DST: variants seen among roughly 807,000 people sequenced by gnomAD.
The protein encoded by DST is bullous pemphigoid antigen.
A neutral mutation model predicts 875.2 loss-of-function variants in DST; 253 were observed. The ratio of observed to expected loss-of-function variants is 0.29; its 90% CI spans 0.26 to 0.32. The LOEUF is 0.32. DST is among the 10% of genes least tolerant of loss of function. The pLI, the probability that DST is intolerant of heterozygous loss-of-function variation, is 1.00. For missense variants in DST, 8,287 were observed against 9,111.6 expected, an observed-to-expected ratio of 0.91 and a Z score of 3.68; for synonymous variants, 3,124 against 3,197.1, an observed-to-expected ratio of 0.98 and a Z score of 0.77.
At chr6:56,527,296 T>C (rs960179946) in intron 68 of DST, among the ~76,000 whole-genome samples, 197 bp downstream of exon 68, 2 of 152,190 alleles carry the variant, frequency 1.3e-5, no homozygotes, top group African/African-American at 4.8e-5. Context: ...CTTGCAACAA[T>C]TATAACATAC....
chr6:56,657,735 T>C (rs1373365399), intron 10 of DST, among the ~76,000 whole-genome samples: 1 of 152,132 alleles, frequency 6.6e-6, no homozygotes, highest in African/African-American at 2.4e-5. Context: ...AGATGGTAAA[T>C]TTTATGCACC....
At chr6:56,773,272 C>CTTTTTT (rs2099671091) in intron 4 of DST, among the ~76,000 whole-genome samples, 1 of 151,966 alleles carries the variant, frequency 6.6e-6, no homozygotes, top group Admixed American at 6.6e-5. Context: ...CAGATACAGT[C>CTTTTTT]ATCTTTTATT....
chr6:56,909,100 G>C (rs1797760452), intron 2 of DST, among the ~76,000 whole-genome samples: 1 of 152,130 alleles, frequency 6.6e-6, no homozygotes, highest in African/African-American at 2.4e-5. Context: ...CTCTCTGGGG[G>C]TCTCAATCAG....
At chr6:56,501,363 C>T in intron 79 of DST, 128 bp from the exon 80 acceptor site, 1 of 1,157,874 alleles carries the variant, frequency 8.6e-7, no homozygotes, top group Non-Finnish European at 1.2e-6. Flanking sequence ...GAAGCCTAAT[C>T]ATCATATCCT....
rs557684612 is a variant in DST, at chr6:56,506,716, G to A, written c.19313C>T (p.Ala6438Val). ...IVINLGSELI[A>V]ACGEPDKPIV... ...GGGTTTATCAGGCTCCCCACATGCCGCAATGAGTTCAGAACCTAGGTTAAT... is the reference window on the plus strand; with the variant it reads ...GGGTTTATCAGGCTCCCCACATGCCACAATGAGTTCAGAACCTAGGTTAAT... The change falls in exon 76 of 104, where the codon GCG becomes GTG. Residue 6438 changes from alanine to valine, a missense_variant. This residue lies in a region of DST where 1,292 missense variants were observed against 1,552.7 expected (regional missense o/e 0.83). Coordinates refer to ENST00000680361, the MANE Select transcript of DST (RefSeq NM_001374736.1). The A allele has an allele frequency of 2.2e-5, 36 of 1,613,372 alleles. No individual in the cohort carries two copies. The highest frequency in any genetic ancestry group is 2.8e-5 in the Non-Finnish European group (33 of 1,179,656).
intron 58 of DST, among the ~76,000 whole-genome samples, chr6:56,559,208 A>G (rs1229795297): frequency 6.6e-6 from 1 of 152,118 alleles, no homozygotes; most frequent in Non-Finnish European, 1.5e-5. Flanking sequence ...ATCAGGAAGG[A>G]AAAATAGAAA....
chr6:56,748,023 A>G (rs2099577532), intron 4 of DST, among the ~76,000 whole-genome samples: 1 of 152,184 alleles, frequency 6.6e-6, no homozygotes, highest in Admixed American at 6.5e-5. Context: ...CAGTTTTTCA[A>G]GTTTCTTTGA....
chr6:56,575,553 C>G lies in DST; in HGVS notation c.13028-1666G>C, dbSNP rs117053797. On this transcript the variant is annotated intron_variant, in intron 50 of 103. Coordinates refer to ENST00000680361, the MANE Select transcript of DST (RefSeq NM_001374736.1). Reference sequence around the variant, plus strand: ...AAGCCAGCTATTTTCATATAATTAACAGATTTGAGTGTTAGTTTGCTATAG... The same window carrying G: ...AAGCCAGCTATTTTCATATAATTAAGAGATTTGAGTGTTAGTTTGCTATAG... 9.2e-5 allele frequency among the ~76,000 whole-genome samples: 14 copies of G among 152,200 alleles called. No individual in the cohort carries two copies. In the East Asian group the frequency reaches 2.7e-3, roughly 29 times the overall value.
intron 43 of DST, chr6:56,601,981 A>G (rs913612034): frequency 6.7e-6 from 3 of 446,518 alleles, no homozygotes; most frequent in African/African-American, 4.0e-5. Flanking sequence ...TAACTTAGGT[A>G]TATTTAGCAC....
chr6:56,624,518 G>C lies in DST; in HGVS notation c.4929+12C>G. On this transcript the variant is annotated intron_variant, in intron 36 of 103. Transcript: ENST00000680361. ...CCTTTATATTTACAGGGTGCTCACT[G>C]TTAATGATTACCTCCTCCTCTTCCA... is the stretch of plus-strand genomic sequence containing the variant. The C allele has an allele frequency of 6.3e-7, 1 of 1,580,540 alleles. No individual in the cohort carries two copies.
Position 56,555,856 on chromosome 6 carries a change from T to C in DST, c.14641-16A>G, listed in dbSNP as rs2097405051. 2 of 1,471,230 alleles carry C rather than the reference T, an allele frequency of 1.4e-6. No homozygotes were observed. Among genetic ancestry groups the C allele is most frequent in the Non-Finnish European group, 1.8e-6 (2 of 1,108,894 alleles). The allele number at this position is 1,471,230 out of a possible 1,614,324, so 91.1% of individuals were successfully genotyped here. A position where few individuals can be genotyped will look rare whatever the true frequency, so the allele number is the denominator to read the frequency against. Reference sequence around the variant, plus strand: ...GCAGCAAAATCTAAGGTAACAAGGGTAAACAAACGCAAATTATTATATAAT... The same window carrying C: ...GCAGCAAAATCTAAGGTAACAAGGGCAAACAAACGCAAATTATTATATAAT... On this transcript the variant is annotated splice_polypyrimidine_tract_variant and intron_variant, in intron 59 of 103. Coordinates refer to ENST00000680361, the MANE Select transcript of DST (RefSeq NM_001374736.1).
intron 4 of DST, among the ~76,000 whole-genome samples, chr6:56,768,099 C>T (rs373329979): frequency 7.2e-5 from 11 of 152,240 alleles, no homozygotes; most frequent in African/African-American, 2.6e-4. Context: ...CTGGAGGGAG[C>T]TGAGGCAAAA....
chr6:56,851,567 G>A lies in DST; in HGVS notation c.455C>T (p.Ser152Phe). Reference protein sequence around the residue: ...GNASYRCSMSSSADFSDEDDF... With the variant: ...GNASYRCSMSFSADFSDEDDF... ...ATCCTCATCGGAAAAATCCGCAGAG[G>A]AAGACATAGAGCAGCGATAGGACGC... The change falls in exon 4 of 104, where the codon TCC becomes TTC. Residue 152 changes from serine (S) to phenylalanine (F), a missense_variant. Transcript: ENST00000680361. 1 of 1,613,994 alleles carries A rather than the reference G, an allele frequency of 6.2e-7. No homozygotes were observed. The highest frequency in any genetic ancestry group is 8.5e-7 in the Non-Finnish European group (1 of 1,179,886).
At chr6:56,676,036 T>G (rs896088727) in intron 9 of DST, among the ~76,000 whole-genome samples, 3 of 152,132 alleles carry the variant, frequency 2.0e-5, no homozygotes, top group African/African-American at 7.2e-5. Flanking sequence ...TTAGAATGGC[T>G]AGTCTCAAAA....
At chr6:56,770,758 T>C (rs2099655076) in intron 4 of DST, among the ~76,000 whole-genome samples, 1 of 152,172 alleles carries the variant, frequency 6.6e-6, no homozygotes, top group Admixed American at 6.5e-5. Flanking sequence ...CCCAACACTT[T>C]GGGAGGCCGA....
At chr6:56,914,086 C>CT (rs1189568752) in intron 2 of DST, among the ~76,000 whole-genome samples, 1 of 152,110 alleles carries the variant, frequency 6.6e-6, no homozygotes, top group East Asian at 1.9e-4. Context: ...GCCCTACACT[C>CT]TTATTTTTTC....
chr6:56,476,348 AAC>A lies in DST; in HGVS notation c.21676-13_21676-12del. The A allele has an allele frequency of 6.5e-7, 1 of 1,538,628 alleles. No homozygotes were observed. The highest frequency in any genetic ancestry group is 1.2e-5 in the South Asian group (1 of 80,024). On this transcript the variant is annotated splice_polypyrimidine_tract_variant and intron_variant, in intron 91 of 103. Coordinates refer to ENST00000680361, the MANE Select transcript of DST (RefSeq NM_001374736.1). ...TGCCCAGGCCAGCACCTGTCAGAGA[AAC>A]AGAAATTTCTCTGAATTTCCTCCAA...
At chr6:56,494,291 C>T (rs1222815718) in intron 82 of DST, 111 bp from the exon 83 acceptor site, 2 of 1,013,092 alleles carry the variant, frequency 2.0e-6, no homozygotes, top group Admixed American at 2.6e-5. Flanking sequence ...TCTCTGTTTG[C>T]TCTCTCAGGG....
At chr6:56,807,575 C>A (rs1352074566) in intron 4 of DST, among the ~76,000 whole-genome samples, 4 of 152,114 alleles carry the variant, frequency 2.6e-5, no homozygotes. Flanking sequence ...AGGGTCCAGA[C>A]AGACCTAGCA....
Sources: allele counts gnomAD v4.1 joint callset (sites outside exome capture counted in the v4.1 genomes callset), GRCh38; gene constraint gnomAD v4.1.1; regional missense constraint gnomAD v4.1.1; transcripts MANE v1.5; gene names NCBI Gene and HGNC (gene_info 2026-07-23, HGNC 2026-07-21).